The following N4BP2L2 variants were observed in gnomAD, a reference collection of about 807,000 sequenced individuals.
N4BP2L2 encodes NEDD4 binding protein 2 like 2.
N4BP2L2 carries 50 observed loss-of-function variants against 56.2 expected under a neutral mutation model. That is an observed-to-expected ratio of 0.89 (90% CI 0.71 to 1.13). The LOEUF (loss-of-function observed/expected upper bound fraction) is 1.13, where lower values mean the gene tolerates loss of function less well. Among genes scored for constraint, N4BP2L2 ranks in the 50% most tolerant of loss-of-function variants. The pLI is 0.00. For synonymous variants in N4BP2L2, 203 were observed against 223.6 expected, an observed-to-expected ratio of 0.91 and a Z score of 0.82; for missense variants, 689 against 693.8, an observed-to-expected ratio of 0.99 and a Z score of 0.08.
exon 2 of N4BP2L2, chr13:32,536,201 A>T (rs148872254): frequency 1.2e-4 from 186 of 1,613,520 alleles, no homozygotes; most frequent in Non-Finnish European, 1.5e-4. Flanking sequence ...ACCATAGGGC[A>T]CTATAAAAGG....
chr13:32,535,279 ACT>A (rs778868613), intron 2 of N4BP2L2, among the ~76,000 whole-genome samples: 5 of 152,312 alleles, frequency 3.3e-5, no homozygotes, highest in Middle Eastern at 3.4e-3. Flanking sequence ...ATTTTCTAAC[ACT>A]GAGTCCAACT....
exon 6 of N4BP2L2, chr13:32,517,833 T>C: frequency 1.9e-6 from 3 of 1,613,832 alleles, no homozygotes; most frequent in Non-Finnish European, 2.5e-6. Context: ...GACACGATTA[T>C]GTGAGCCAAG....
exon 7 of N4BP2L2, chr13:32,444,073 C>T (rs757753874): frequency 1.9e-6 from 3 of 1,581,172 alleles, no homozygotes; most frequent in South Asian, 2.4e-5. Flanking sequence ...TTTTCTGTTC[C>T]TCTTCTGTTT....
rs73447366 is a variant in N4BP2L2, at chr13:32,516,897, T to C, written c.*905A>G. On this transcript the variant is annotated 3_prime_UTR_variant, in exon 6 of 6. Coordinates refer to ENST00000267068, the Ensembl canonical transcript of N4BP2L2. ...TGAATGACAAGACCTCTGAAATGAA[T>C]TCCATCTCAGTTTTTAATTTTATAT... The C allele has an allele frequency of 1.4e-3, 1,427 of 984,674 alleles. 20 individuals carry two copies. The African/African-American group carries it at 0.023, about 16-fold the overall frequency. The allele number at this position is 984,674 out of a possible 1,614,324, so 61.0% of individuals were successfully genotyped here. A position where few individuals can be genotyped will look rare whatever the true frequency, so the allele number is the denominator to read the frequency against.
chr13:32,500,546 C>CAAAAA (rs1169575568), intron 6 of N4BP2L2, among the ~76,000 whole-genome samples: 4 of 52,230 alleles, frequency 7.7e-5, no homozygotes, highest in African/African-American at 1.5e-4. Flanking sequence ...CCTGTCTCTA[C>CAAAAA]AAAAAAAAAA....
intron 6 of N4BP2L2, among the ~76,000 whole-genome samples, chr13:32,491,885 G>A (rs560581187): frequency 2.6e-4 from 40 of 151,894 alleles, no homozygotes; most frequent in African/African-American, 8.9e-4. Context: ...CCGCTTCGGC[G>A]TCCCAAAGTG....
intron 6 of N4BP2L2, among the ~76,000 whole-genome samples, chr13:32,468,691 T>C (rs997065278): frequency 6.6e-5 from 10 of 152,230 alleles, no homozygotes; most frequent in Non-Finnish European, 1.5e-4. Context: ...GTGCATACTC[T>C]GCTTGTTACA....
At chr13:32,524,706 T>C (rs2052144022) in intron 3 of N4BP2L2, 1 of 152,230 alleles carries the variant, frequency 6.6e-6, no homozygotes, top group Admixed American at 6.5e-5. Context: ...TTAGGAAGTA[T>C]AATTAACATA....
chr13:32,527,748 A>G (rs1029281948), intron 2 of N4BP2L2, among the ~76,000 whole-genome samples: 1 of 151,820 alleles, frequency 6.6e-6, no homozygotes, highest in African/African-American at 2.4e-5. Context: ...TTACACTTAA[A>G]TCTACACAAT....
intron 6 of N4BP2L2, among the ~76,000 whole-genome samples, chr13:32,494,948 G>C (rs2088187501): frequency 6.6e-6 from 1 of 152,054 alleles, no homozygotes; most frequent in Non-Finnish European, 1.5e-5. Flanking sequence ...CCTAAAACTG[G>C]CAGACATAGA....
chr13:32,474,825 T>G (rs1317477331), intron 6 of N4BP2L2, among the ~76,000 whole-genome samples: 9 of 152,240 alleles, frequency 5.9e-5, no homozygotes, highest in Admixed American at 5.9e-4. Flanking sequence ...AAGTAGCATT[T>G]AAAGGATTAT....
exon 2 of N4BP2L2, chr13:32,535,985 T>C (rs200632002): frequency 2.5e-6 from 4 of 1,614,016 alleles, no homozygotes; most frequent in South Asian, 1.1e-5. Context: ...TCCAGAGGGA[T>C]GAACACTACT....
intron 6 of N4BP2L2, among the ~76,000 whole-genome samples, chr13:32,452,571 C>G (rs1421053638): frequency 2.0e-5 from 3 of 152,256 alleles, no homozygotes. Flanking sequence ...CTAGACTATC[C>G]ATTAATATAA....
exon 1 of N4BP2L2, chr13:32,538,626 A>C (rs1594141547): frequency 1.0e-6 from 1 of 985,204 alleles, no homozygotes; most frequent in African/African-American, 1.7e-5. Context: ...ACCTTACTCT[A>C]CCCCTACGCA....
At chr13:32,483,990 GAA>G (rs11424749) in intron 6 of N4BP2L2, among the ~76,000 whole-genome samples, 1 of 118,820 alleles carries the variant, frequency 8.4e-6, no homozygotes, top group Admixed American at 9.3e-5. Context: ...ATCTAAAAAA[GAA>G]AAAAAAAAAA....
intron 6 of N4BP2L2, among the ~76,000 whole-genome samples, chr13:32,498,189 T>A (rs2089198279): frequency 6.6e-6 from 1 of 152,190 alleles, no homozygotes; most frequent in Admixed American, 6.5e-5. Context: ...TTTCACTATG[T>A]TGGCCAAGCT....
downstream of N4BP2L2, chr13:32,506,446 T>C (rs906085454): frequency 2.6e-5 from 4 of 152,206 alleles, no homozygotes; most frequent in Admixed American, 2.0e-4. Flanking sequence ...ACTACTCATA[T>C]TCACTTATTG....
chr13:32,438,814 C>T, intron 7 of N4BP2L2: 1 of 948,686 alleles, frequency 1.1e-6, no homozygotes, highest in South Asian at 1.5e-5. Context: ...ACATGCAAAC[C>T]TGATCTCTAA....
intron 3 of N4BP2L2, chr13:32,525,072 C>T (rs2052303388): frequency 6.6e-6 from 1 of 152,162 alleles, no homozygotes; most frequent in African/African-American, 2.4e-5. Flanking sequence ...TATGCCAGTA[C>T]TGCAAAGAGA....
Sources: allele counts gnomAD v4.1 joint callset (sites outside exome capture counted in the v4.1 genomes callset), GRCh38; gene constraint gnomAD v4.1.1; transcripts MANE v1.5; gene names NCBI Gene and HGNC (gene_info 2026-07-23, HGNC 2026-07-21).